Variants in PPARGC1B observed in about 807,000 individuals in gnomAD.
PPARGC1B encodes PPARG coactivator 1 beta, also known as peroxisome proliferator-activated receptor gamma coactivator 1-beta.
In PPARGC1B, 34 loss-of-function variants were observed where a neutral mutation model predicts 101.6. The ratio of observed to expected loss-of-function variants is 0.33; its 90% CI spans 0.25 to 0.45. PPARGC1B has a LOEUF of 0.45. Ranked by LOEUF, PPARGC1B falls within the 20% of genes least tolerant of loss-of-function variation. The pLI is 1.00. For synonymous variants in PPARGC1B, 548 were observed against 539.3 expected (o/e 1.02, Z -0.22); for missense variants, 1,234 against 1,317.6 (o/e 0.94, Z 0.98).
In PPARGC1B at chr5:149,842,306, C is replaced by G; in HGVS notation, c.2745C>G (p.Ser915=). The change falls in exon 10 of 12, where the codon TCC becomes TCG. Residue 915 remains serine (S), a synonymous_variant. Transcript: ENST00000309241. Reference sequence around the variant, plus strand: ...AAAATCTCTCCAGCGACATGAGCTCCCGAGAGCTGAAGAGGCGCTTTGAAG... The same window carrying G: ...AAAATCTCTCCAGCGACATGAGCTCGCGAGAGCTGAAGAGGCGCTTTGAAG... ...YIQNLSSDMS[S]RELKRRFEVF... 6.2e-7 allele frequency: 1 copy of G among 1,614,156 alleles called. No individual in the cohort carries two copies. The highest frequency in any genetic ancestry group is 8.5e-7 in the Non-Finnish European group (1 of 1,180,030).
intron 1 of PPARGC1B, among the ~76,000 whole-genome samples, chr5:149,819,470 G>C (rs902653186): frequency 2.0e-5 from 3 of 151,250 alleles, no homozygotes; most frequent in Non-Finnish European, 4.4e-5. Context: ...CATGATATGG[G>C]TGTTTGTTTG....
intron 5 of PPARGC1B, among the ~76,000 whole-genome samples, chr5:149,834,343 G>A (rs974175356): frequency 6.6e-6 from 1 of 152,198 alleles, no homozygotes; most frequent in Non-Finnish European, 1.5e-5. Flanking sequence ...ACTTAATGAT[G>A]AGCCCTATGC....
intron 1 of PPARGC1B, chr5:149,818,812 G>T: frequency 2.2e-6 from 1 of 456,018 alleles, no homozygotes; most frequent in Non-Finnish European, 4.4e-6. Context: ...TTACTAGGCC[G>T]GGCTATAATG....
At chr5:149,756,229 G>A (rs1325971327) in intron 1 of PPARGC1B, among the ~76,000 whole-genome samples, 2 of 152,056 alleles carry the variant, frequency 1.3e-5, no homozygotes, top group Non-Finnish European at 1.5e-5. Context: ...TGAGAGGCCG[G>A]GACGGGTGGA....
At chr5:149,769,513 G>A (rs1005368443) in intron 1 of PPARGC1B, among the ~76,000 whole-genome samples, 7 of 152,186 alleles carry the variant, frequency 4.6e-5, no homozygotes, top group Admixed American at 4.6e-4. Flanking sequence ...CTTTCCCCAT[G>A]GCTGAGAGAC....
chr5:149,791,354 C>G (rs1757012634), intron 1 of PPARGC1B, among the ~76,000 whole-genome samples: 1 of 152,014 alleles, frequency 6.6e-6, no homozygotes, highest in Admixed American at 6.5e-5. Context: ...TGTCTTCCCT[C>G]TGTAAGAAAC....
At chr5:149,792,828 G>A (rs902906862) in intron 1 of PPARGC1B, among the ~76,000 whole-genome samples, 4 of 152,006 alleles carry the variant, frequency 2.6e-5, no homozygotes, top group Admixed American at 6.6e-5. Context: ...TGCTGGCCTC[G>A]GTATAAATCC....
At chr5:149,732,903 C>T (rs1263039264) in intron 1 of PPARGC1B, 1 of 435,806 alleles carries the variant, frequency 2.3e-6, no homozygotes, top group East Asian at 7.8e-5. Context: ...GTGGAGTCAC[C>T]TTCCCCACTC....
At chr5:149,855,914 C>T (rs1405156789), downstream of PPARGC1B, among the ~76,000 whole-genome samples, 1 of 151,948 alleles carries the variant, frequency 6.6e-6, no homozygotes, top group Non-Finnish European at 1.5e-5. Flanking sequence ...GTTAGGAGTT[C>T]GAGACTAGCC....
chr5:149,812,671 C>T (rs1445583816), intron 1 of PPARGC1B, among the ~76,000 whole-genome samples: 3 of 152,236 alleles, frequency 2.0e-5, no homozygotes, highest in African/African-American at 7.2e-5. Context: ...CAGGCAGGCC[C>T]TTTGCAGGTA....
chr5:149,760,602 C>T (rs1295522645), intron 1 of PPARGC1B, among the ~76,000 whole-genome samples: 2 of 152,154 alleles, frequency 1.3e-5, no homozygotes, highest in South Asian at 2.1e-4. Flanking sequence ...GGCAGGGACA[C>T]GTTTGGGGTT....
chr5:149,833,759 C>T lies in PPARGC1B; in HGVS notation c.1686C>T (p.Cys562=), dbSNP rs1758925972. ...GGGACATGGATGAGGACCCCAGCTG[C>T]CCGCAGCTCCCTCCCAGAGGTAGTC... ...GCGDMDEDPS[C]PQLPPRDSPR... Residue 562 remains cysteine (C), a synonymous_variant, in exon 5 of 12, where the codon TGC becomes TGT. Coordinates refer to ENST00000309241, the MANE Select transcript of PPARGC1B (RefSeq NM_133263.4). This position sits in a 1 kb window ranked among gnomAD's most constrained non-coding sequence, Gnocchi z 4.1. 6.5e-7 allele frequency: 1 copy of T among 1,536,718 alleles called. No individual in the cohort carries two copies. The highest frequency in any genetic ancestry group is 8.7e-7 in the Non-Finnish European group (1 of 1,146,786).
chr5:149,834,613 G>A, intron 5 of PPARGC1B, 61 bp from the exon 6 acceptor site: 1 of 1,530,258 alleles, frequency 6.5e-7, no homozygotes, highest in Non-Finnish European at 9.0e-7. Context: ...TCCTCCAGAG[G>A]GGAAACATCT....
At chr5:149,805,789 A>G (rs758832331) in intron 1 of PPARGC1B, among the ~76,000 whole-genome samples, 24 of 152,266 alleles carry the variant, frequency 1.6e-4, no homozygotes, top group Non-Finnish European at 2.9e-4. Context: ...TTAAATAGGA[A>G]TATGATGGGT....
chr5:149,760,696 T>C (rs1222799306), intron 1 of PPARGC1B, among the ~76,000 whole-genome samples: 2 of 152,170 alleles, frequency 1.3e-5, no homozygotes, highest in Admixed American at 1.3e-4. Context: ...AATGATCTCA[T>C]GCACCTGCTG....
chr5:149,754,101 C>A (rs1306084299), intron 1 of PPARGC1B, among the ~76,000 whole-genome samples: 1 of 152,200 alleles, frequency 6.6e-6, no homozygotes, highest in Admixed American at 6.5e-5. Context: ...TTCTTCACAC[C>A]TTCACCCACA....
At position 149,730,340 on chromosome 5, in the gene PPARGC1B, A is replaced by T; in HGVS notation, c.-3A>T. The T allele has an allele frequency of 6.4e-7, 1 of 1,559,204 alleles. No homozygotes were observed. Reference sequence around the variant, plus strand: ...CGCCGCACGCTGCAGCCGCGGCTGGAAGATGGCGGGGAACGACTGCGGCGC... The same window carrying T: ...CGCCGCACGCTGCAGCCGCGGCTGGTAGATGGCGGGGAACGACTGCGGCGC... On this transcript the variant is annotated 5_prime_UTR_variant, in exon 1 of 12. Coordinates refer to ENST00000309241, the MANE Select transcript of PPARGC1B (RefSeq NM_133263.4). This position sits in a 1 kb window ranked among gnomAD's most constrained non-coding sequence, Gnocchi z 4.0.
At chr5:149,748,300 GATA>G (rs1755158791) in intron 1 of PPARGC1B, among the ~76,000 whole-genome samples, 1 of 135,458 alleles carries the variant, frequency 7.4e-6, no homozygotes, top group African/African-American at 2.9e-5. Context: ...TATAGATATA[GATA>G]TAGATATAGA....
chr5:149,734,398 CTTG>C (rs1754614923), intron 1 of PPARGC1B, among the ~76,000 whole-genome samples: 1 of 141,966 alleles, frequency 7.0e-6, no homozygotes, highest in South Asian at 2.3e-4. Context: ...TGTTCTGTAA[CTTG>C]TTTTTTTTTT....
Sources: allele counts gnomAD v4.1 joint callset (sites outside exome capture counted in the v4.1 genomes callset), GRCh38; gene constraint gnomAD v4.1.1; non-coding constraint Gnocchi (gnomAD v3.1); transcripts MANE v1.5; gene names NCBI Gene and HGNC (gene_info 2026-07-23, HGNC 2026-07-21).